The following NLGN1 variants were observed in gnomAD, a reference collection of about 807,000 sequenced individuals.
NLGN1 encodes the protein neuroligin-1.
A neutral mutation model predicts 65.5 loss-of-function variants in NLGN1; 12 were observed. The ratio of observed to expected loss-of-function variants is 0.18; its 90% CI spans 0.12 to 0.30. NLGN1 has a LOEUF of 0.30. Among genes scored for constraint, NLGN1 ranks in the 10% least tolerant of loss-of-function variants. NLGN1 has a pLI of 1.00. For missense variants in NLGN1, 750 were observed against 1,007.1 expected (o/e 0.74, Z 3.46); for synonymous variants, 350 against 359.5 (o/e 0.97, Z 0.30).
chr3:173,884,145 A>G (rs1310254411), intron 4 of NLGN1, among the ~76,000 whole-genome samples: 1 of 151,912 alleles, frequency 6.6e-6, no homozygotes, highest in Non-Finnish European at 1.5e-5. Flanking sequence ...TTTGTTTGCA[A>G]TGTCTTACTA....
At chr3:173,478,731 G>T (rs1270786810) in intron 2 of NLGN1, among the ~76,000 whole-genome samples, 1 of 151,774 alleles carries the variant, frequency 6.6e-6, no homozygotes, top group Non-Finnish European at 1.5e-5. Context: ...GACCAGCCTG[G>T]CCAACATGGT....
At chr3:173,586,309 C>G (rs116392931) in intron 2 of NLGN1, among the ~76,000 whole-genome samples, 137 of 152,278 alleles carry the variant, frequency 9.0e-4, no homozygotes, top group Non-Finnish European at 1.7e-3. Context: ...TATGCAGATA[C>G]CTTTGTGGTT....
rs1553822097 is a variant in NLGN1 at position 173,730,328 on chromosome 3, C to CCCT, written c.494-77350_494-77349insTCC. ...CACACTACTGCCCCACCGCTCCCCC[C>CCCT]CCCCCGCAAAAATAGAATGAAAGCT... On this transcript the variant is annotated intron_variant, in intron 3 of 6. Transcript: ENST00000457714. 8.7e-5 allele frequency among the ~76,000 whole-genome samples: 12 copies of CCCT among 137,476 alleles called. 1 individual carries two copies. The highest frequency in any genetic ancestry group is 2.8e-4 in the African/African-American group (10 of 35,102). The allele number at this position is 137,476 out of a possible 152,430, so 90.2% of individuals were successfully genotyped here. A position where few individuals can be genotyped will look rare whatever the true frequency, so the allele number is the denominator to read the frequency against.
At chr3:174,000,786 A>G (rs760391808) in intron 4 of NLGN1, among the ~76,000 whole-genome samples, 1 of 152,214 alleles carries the variant, frequency 6.6e-6, no homozygotes, top group Non-Finnish European at 1.5e-5. Context: ...CATGAAATGA[A>G]GAGAGAAAAG....
intron 4 of NLGN1, among the ~76,000 whole-genome samples, chr3:174,265,783 G>GTA (rs1168048305): frequency 0.036 from 4,682 of 128,392 alleles, 103 homozygotes; most frequent in African/African-American, 0.042. Flanking sequence ...ATATATATAT[G>GTA]TATATATATA....
At chr3:173,836,110 A>G (rs1723582845) in intron 4 of NLGN1, among the ~76,000 whole-genome samples, 1 of 152,154 alleles carries the variant, frequency 6.6e-6, no homozygotes, top group African/African-American at 2.4e-5. Context: ...TATAACTTCA[A>G]AATGGTTAAG....
intron 4 of NLGN1, among the ~76,000 whole-genome samples, chr3:174,222,923 C>G (rs1409985312): frequency 6.6e-6 from 1 of 152,120 alleles, no homozygotes; most frequent in Non-Finnish European, 1.5e-5. Context: ...TACTTCTACT[C>G]TTCTGAGGTT....
chr3:173,475,612 A>T (rs892298646), intron 2 of NLGN1, among the ~76,000 whole-genome samples: 1 of 152,202 alleles, frequency 6.6e-6, no homozygotes, highest in Non-Finnish European at 1.5e-5. Context: ...TCTGCCAGTG[A>T]ATCCCCAGAT....
intron 3 of NLGN1, among the ~76,000 whole-genome samples, chr3:173,670,073 A>T (rs989122783): frequency 5.3e-5 from 8 of 152,064 alleles, no homozygotes; most frequent in African/African-American, 1.9e-4. Flanking sequence ...CTTTAAGCTG[A>T]TTTTTTCCTA....
chr3:173,796,787 G>T (rs1372981248), intron 3 of NLGN1, among the ~76,000 whole-genome samples: 2 of 152,120 alleles, frequency 1.3e-5, no homozygotes, highest in Admixed American at 1.3e-4. Context: ...ATAAGCTGTG[G>T]TTAGAATGTT....
chr3:173,984,923 T>A (rs1222533603), intron 4 of NLGN1, among the ~76,000 whole-genome samples: 1 of 152,116 alleles, frequency 6.6e-6, no homozygotes, highest in Non-Finnish European at 1.5e-5. Flanking sequence ...GTGCCTGTAG[T>A]CCCAGCTACT....
intron 2 of NLGN1, among the ~76,000 whole-genome samples, chr3:173,452,338 C>T (rs1721734949): frequency 6.6e-6 from 1 of 152,092 alleles, no homozygotes; most frequent in Admixed American, 6.5e-5. Context: ...GTGCCCGCCA[C>T]CACGTCCGGC....
rs1203886733 is a variant in NLGN1, at chr3:173,743,752, G to A, written c.494-63928G>A. Among the ~76,000 whole-genome samples, 7 of 152,070 alleles carry A rather than the reference G, an allele frequency of 4.6e-5. No individual in the cohort carries two copies. The South Asian group carries it at 1.4e-3, about 31-fold the overall frequency. On this transcript the variant is annotated intron_variant, in intron 3 of 6. Transcript: ENST00000457714. ...GGGAGGGAGTGGGGATTGTTCAACT[G>A]ACTCTGGAACTCTGGATGGGGTTCC... is the stretch of plus-strand genomic sequence containing the variant.
At chr3:173,760,282 T>C (rs966221769) in intron 3 of NLGN1, among the ~76,000 whole-genome samples, 1 of 152,010 alleles carries the variant, frequency 6.6e-6, no homozygotes, top group Non-Finnish European at 1.5e-5. Context: ...CCGCATTGAA[T>C]TTGTCTTTGT....
At chr3:173,491,986 C>G (rs926325399) in intron 2 of NLGN1, among the ~76,000 whole-genome samples, 6 of 151,668 alleles carry the variant, frequency 4.0e-5, no homozygotes, top group Admixed American at 1.3e-4. Context: ...ATTATTCTCA[C>G]TTGAGTGCTG....
At chr3:173,569,587 CTT>C (rs58825067) in intron 2 of NLGN1, among the ~76,000 whole-genome samples, 2,095 of 139,384 alleles carry the variant, frequency 0.015, 42 homozygotes, top group African/African-American at 0.051. Context: ...ATCATGGTTT[CTT>C]TTTTTTTTTT....
chr3:173,566,784 C>T (rs1334275714), intron 2 of NLGN1, among the ~76,000 whole-genome samples: 1 of 152,154 alleles, frequency 6.6e-6, no homozygotes, highest in African/African-American at 2.4e-5. Flanking sequence ...GTATATTGGA[C>T]ACTTCTTTAT....
At chr3:173,605,083 C>A (rs752333540) in exon 3 of NLGN1, 1 of 1,605,252 alleles carries the variant, frequency 6.2e-7, no homozygotes, top group South Asian at 1.1e-5. Flanking sequence ...TATGTCCCGA[C>A]TGAGGATGGT....
chr3:174,052,960 A>G (rs139090823), intron 4 of NLGN1, among the ~76,000 whole-genome samples: 1 of 152,024 alleles, frequency 6.6e-6, no homozygotes, highest in Non-Finnish European at 1.5e-5. Flanking sequence ...ATGTTTTACA[A>G]CTAGCTAATT....
Sources: allele counts gnomAD v4.1 joint callset (sites outside exome capture counted in the v4.1 genomes callset), GRCh38; gene constraint gnomAD v4.1.1; transcripts MANE v1.5; gene names NCBI Gene and HGNC (gene_info 2026-07-23, HGNC 2026-07-21).